DMTN: variants seen among roughly 807,000 people sequenced by gnomAD.
DMTN encodes the protein dematin.
DMTN carries 27 observed loss-of-function variants against 59.4 expected under a neutral mutation model. That is an observed-to-expected ratio of 0.45 (90% confidence interval 0.33 to 0.63). The LOEUF is 0.63. DMTN is among the 20% of genes least tolerant of loss of function. The pLI is 0.02. For synonymous variants in DMTN, 221 were observed against 203.7 expected (o/e 1.08, Z -0.72); for missense variants, 451 against 528.9 (o/e 0.85, Z 1.45).
chr8:22,076,846 T>C (rs1820234936), intron 10 of DMTN, among the ~76,000 whole-genome samples: 1 of 152,064 alleles, frequency 6.6e-6, no homozygotes, highest in Non-Finnish European at 1.5e-5. Flanking sequence ...TGTGGGAGGC[T>C]GGCCTTCAAA....
chr8:22,076,095 A>G (rs1334956333), intron 10 of DMTN, among the ~76,000 whole-genome samples: 1 of 152,162 alleles, frequency 6.6e-6, no homozygotes, highest in African/African-American at 2.4e-5. Flanking sequence ...GTGATGACCA[A>G]CTTGGAACTG....
chr8:22,065,589 T>C (rs1809894508), intron 1 of DMTN, among the ~76,000 whole-genome samples: 1 of 151,922 alleles, frequency 6.6e-6, no homozygotes, highest in South Asian at 2.1e-4. Flanking sequence ...ACGTCTGTAA[T>C]CCCAGCACTT....
In DMTN at chr8:22,081,873, G is replaced by GCCCCCCCCCCC; in HGVS notation, c.*413_*414insCCCCCCCCCCC. ...AGAAAGAGCTCCAGGCTCTTGTGTCGCCCACCCAGCCCTCCCATACTCACT... is the reference window on the plus strand; with the variant it reads ...AGAAAGAGCTCCAGGCTCTTGTGTCGCCCCCCCCCCCCCCACCCAGCCCTCCCATACTCACT... On this transcript the variant is annotated 3_prime_UTR_variant, in exon 16 of 16. Coordinates refer to ENST00000358242, the MANE Select transcript of DMTN (RefSeq NM_001387751.1). 1 of 460,758 alleles carries GCCCCCCCCCCC rather than the reference G, an allele frequency of 2.2e-6. No individual in the cohort carries two copies. The highest frequency in any genetic ancestry group is 4.3e-6 in the Non-Finnish European group (1 of 230,122). The allele number at this position is 460,758 out of a possible 1,614,324, so 28.5% of individuals were successfully genotyped here.
intron 1 of DMTN, among the ~76,000 whole-genome samples, chr8:22,065,570 C>T (rs1230098611): frequency 6.6e-6 from 1 of 151,904 alleles, no homozygotes; most frequent in Non-Finnish European, 1.5e-5. Context: ...GGGCTGGGCG[C>T]GGTGGCTCAC....
chr8:22,068,933 G>A, intron 4 of DMTN, 83 bp from the exon 5 acceptor site: 3 of 1,490,380 alleles, frequency 2.0e-6, no homozygotes, highest in Non-Finnish European at 2.8e-6. Context: ...CTTTGGGTGG[G>A]GGATGAGGTG....
intron 10 of DMTN, among the ~76,000 whole-genome samples, chr8:22,077,507 G>A (rs922429262): frequency 1.3e-5 from 2 of 152,154 alleles, no homozygotes; most frequent in Non-Finnish European, 2.9e-5. Context: ...GAGCTACAGA[G>A]GTTTATTAGA....
intron 10 of DMTN, among the ~76,000 whole-genome samples, chr8:22,076,077 G>T (rs1336257007): frequency 6.6e-6 from 1 of 152,150 alleles, no homozygotes; most frequent in Non-Finnish European, 1.5e-5. Flanking sequence ...TTTTGTCTTG[G>T]GTGCTGGGTG....
chr8:22,080,765 C>T (rs1823700886), intron 13 of DMTN, 40 bp from the exon 14 acceptor site: 1 of 1,599,430 alleles, frequency 6.3e-7, no homozygotes, highest in South Asian at 1.1e-5. Context: ...GGAAGGTCTC[C>T]CTGCCCCGCT....
At chr8:22,061,820 C>T (rs1806797018) in intron 1 of DMTN, among the ~76,000 whole-genome samples, 1 of 143,362 alleles carries the variant, frequency 7.0e-6, no homozygotes, top group Non-Finnish European at 1.5e-5. Flanking sequence ...GTGGTGTAAT[C>T]ATAGCCCACT....
chr8:22,067,993 C>T (rs1267996008), intron 4 of DMTN, among the ~76,000 whole-genome samples: 2 of 152,180 alleles, frequency 1.3e-5, no homozygotes, highest in African/African-American at 2.4e-5. Context: ...GAAAGTCTAG[C>T]GGAGGGACCC....
At chr8:22,057,436 G>A (rs562877287) in intron 1 of DMTN, among the ~76,000 whole-genome samples, 1 of 152,350 alleles carries the variant, frequency 6.6e-6, no homozygotes, top group South Asian at 2.1e-4. Context: ...AGCAATGGAA[G>A]GGATGGACTG....
intron 3 of DMTN, 143 bp downstream of exon 3, chr8:22,067,302 A>G: frequency 8.8e-7 from 1 of 1,137,770 alleles, no homozygotes; most frequent in East Asian, 2.7e-5. Context: ...CCAGAAACCC[A>G]GAGAAGCTCC....
intron 8 of DMTN, among the ~76,000 whole-genome samples, 173 bp from the exon 9 acceptor site, chr8:22,072,153 G>A (rs928629403): frequency 3.3e-5 from 5 of 152,142 alleles, no homozygotes; most frequent in Non-Finnish European, 5.9e-5. Flanking sequence ...GCCTCCCAAT[G>A]TGTTGAGATT....
intron 14 of DMTN, 45 bp downstream of exon 14, chr8:22,080,915 G>A: frequency 1.3e-6 from 2 of 1,530,266 alleles, no homozygotes; most frequent in Non-Finnish European, 8.8e-7. Context: ...GCGGGAGGCT[G>A]GGGAGATGCC....
chr8:22,052,504 C>T (rs1801454488), upstream of DMTN, among the ~76,000 whole-genome samples: 1 of 152,022 alleles, frequency 6.6e-6, no homozygotes, highest in Non-Finnish European at 1.5e-5. Flanking sequence ...TTTATTTTCC[C>T]CCCACAACAT....
chr8:22,072,184 G>A (rs1282519339), intron 8 of DMTN, 142 bp from the exon 9 acceptor site: 14 of 1,089,296 alleles, frequency 1.3e-5, no homozygotes, highest in South Asian at 3.8e-5. Context: ...GTCATCTACC[G>A]ACCCTACTTT....
chr8:22,068,928 G>A, intron 4 of DMTN, 88 bp from the exon 5 acceptor site: 1 of 1,464,704 alleles, frequency 6.8e-7, no homozygotes, highest in Non-Finnish European at 9.6e-7. Flanking sequence ...TGCGGCTTTG[G>A]GTGGGGGATG....
intron 8 of DMTN, among the ~76,000 whole-genome samples, chr8:22,071,242 A>G (rs1815215892): frequency 6.6e-6 from 1 of 151,094 alleles, no homozygotes; most frequent in Non-Finnish European, 1.5e-5. Flanking sequence ...GATTACAGGC[A>G]TGCACCACCA....
At chr8:22,057,579 CT>C (rs1803380183) in intron 1 of DMTN, among the ~76,000 whole-genome samples, 1 of 152,166 alleles carries the variant, frequency 6.6e-6, no homozygotes, top group Non-Finnish European at 1.5e-5. Context: ...TGTTTGGAGC[CT>C]GCTTTTTAGG....
Sources: gnomAD v4.1 joint callset for allele counts (sites outside exome capture counted in the v4.1 genomes callset) on GRCh38, gnomAD v4.1.1 for gene constraint, MANE v1.5 for transcripts, NCBI Gene and HGNC (gene_info 2026-07-23, HGNC 2026-07-21) for gene names.